DPP10: variants seen among roughly 807,000 people sequenced by gnomAD.
DPP10 encodes inactive dipeptidyl peptidase 10.
Under a neutral mutation model 120.9 loss-of-function variants are expected in DPP10, and 33 were observed. That is an observed-to-expected ratio of 0.27 (90% CI 0.21 to 0.37). The LOEUF (loss-of-function observed/expected upper bound fraction) is 0.37, where lower values mean the gene tolerates loss of function less well. Ranked by LOEUF, DPP10 falls within the 10% of genes least tolerant of loss-of-function variation. The probability of loss-of-function intolerance (pLI) is 1.00; values close to 1 mark genes in which losing one functional copy is unlikely to be tolerated. For missense variants in DPP10, 816 were observed against 942.8 expected, an observed-to-expected ratio of 0.87 and a Z score of 1.76; for synonymous variants, 337 against 326.1, an observed-to-expected ratio of 1.03 and a Z score of -0.36.
Position 115,689,680 on chromosome 2 carries a change from AT to A in DPP10, c.442-4del. 4 of 1,503,360 alleles carry A rather than the reference AT, an allele frequency of 2.7e-6. No individual in the cohort carries two copies. The highest frequency in any genetic ancestry group is 3.6e-6 in the Non-Finnish European group (4 of 1,101,330). 93.1% of individuals were successfully genotyped at this position (1,503,360 alleles called of 1,614,324 possible). A position where few individuals can be genotyped will look rare whatever the true frequency, so the allele number is the denominator to read the frequency against. On this transcript the variant is annotated splice_polypyrimidine_tract_variant and splice_region_variant and intron_variant, in intron 5 of 25. Transcript: ENST00000410059. ...TATGATCAATAATGTTTCTTTTTTA[AT>A]TTCAGATTTTTCATTATTCGTATAC...
rs1031099981 is a variant in DPP10 at position 115,485,135 on chromosome 2, C to A, written c.272-14375C>A. 4.0e-5 allele frequency among the ~76,000 whole-genome samples: 6 copies of A among 151,684 alleles called. No individual in the cohort carries two copies. In the South Asian group the frequency reaches 1.2e-3, roughly 32 times the overall value. On this transcript the variant is annotated intron_variant, in intron 3 of 25. Coordinates refer to ENST00000410059, the MANE Select transcript of DPP10 (RefSeq NM_020868.6). ...TGTTTACAGTTAGGTAAGTTACATC[C>A]TGGGCATAAGAACAAATATGATTAA...
At chr2:115,582,823 T>A (rs2082076521) in intron 5 of DPP10, among the ~76,000 whole-genome samples, 1 of 152,212 alleles carries the variant, frequency 6.6e-6, no homozygotes, top group Admixed American at 6.5e-5. Flanking sequence ...ATCTAACATC[T>A]CACAGTTAAT....
intron 1 of DPP10, among the ~76,000 whole-genome samples, chr2:114,894,485 T>C (rs905550025): frequency 3.9e-5 from 6 of 152,160 alleles, no homozygotes; most frequent in Non-Finnish European, 8.8e-5. Context: ...ATTTAAGAAT[T>C]CGCTAAACCT....
chr2:115,206,486 T>A (rs962712718), intron 1 of DPP10, among the ~76,000 whole-genome samples: 1 of 152,206 alleles, frequency 6.6e-6, no homozygotes, highest in African/African-American at 2.4e-5. Context: ...AACATTTGAT[T>A]TTGCTTAAAG....
intron 2 of DPP10, among the ~76,000 whole-genome samples, chr2:115,321,089 C>A (rs1050498000): frequency 6.6e-5 from 10 of 152,148 alleles, no homozygotes; most frequent in African/African-American, 2.4e-4. Flanking sequence ...CACCTGAGGC[C>A]AGGAGTTTGA....
intron 1 of DPP10, among the ~76,000 whole-genome samples, chr2:114,986,463 G>T (rs1700396887): frequency 6.6e-6 from 1 of 152,120 alleles, no homozygotes; most frequent in Non-Finnish European, 1.5e-5. Flanking sequence ...CTTCCCTGAG[G>T]TGTTATTCCA....
intron 19 of DPP10, among the ~76,000 whole-genome samples, chr2:115,795,683 G>T (rs909389472): frequency 1.3e-5 from 2 of 152,022 alleles, no homozygotes; most frequent in East Asian, 3.9e-4. Context: ...ATAAGTAACT[G>T]ATCATTCACA....
intron 1 of DPP10, among the ~76,000 whole-genome samples, chr2:115,071,259 CT>C (rs1707343495): frequency 6.6e-6 from 1 of 152,068 alleles, no homozygotes; most frequent in Non-Finnish European, 1.5e-5. Flanking sequence ...TTGTTCTATA[CT>C]CTTTTTTCTT....
intron 1 of DPP10, among the ~76,000 whole-genome samples, chr2:114,505,876 T>C (rs1314582619): frequency 6.6e-6 from 1 of 152,250 alleles, no homozygotes; most frequent in Non-Finnish European, 1.5e-5. Context: ...TGTGACGAGT[T>C]CATGCATGTT....
At chr2:115,350,737 A>T (rs2063971681) in intron 3 of DPP10, among the ~76,000 whole-genome samples, 1 of 152,116 alleles carries the variant, frequency 6.6e-6, no homozygotes. Context: ...ATAGATTGAG[A>T]CATAATATTT....
chr2:115,652,407 A>ATG (rs1403005012), intron 5 of DPP10, among the ~76,000 whole-genome samples: 15 of 117,018 alleles, frequency 1.3e-4, no homozygotes, highest in Admixed American at 2.5e-4. Flanking sequence ...AATAGGATAT[A>ATG]TATGTGTGTG....
At chr2:115,547,100 TG>T (rs2079548040) in intron 5 of DPP10, among the ~76,000 whole-genome samples, 2 of 152,126 alleles carry the variant, frequency 1.3e-5, no homozygotes, top group African/African-American at 4.8e-5. Context: ...TGACATGAAA[TG>T]TCACCTAGTA....
At chr2:115,831,090 C>A (rs17045130) in intron 21 of DPP10, among the ~76,000 whole-genome samples, 2 of 151,826 alleles carry the variant, frequency 1.3e-5, no homozygotes, top group African/African-American at 4.8e-5. Context: ...TTATGTTAAG[C>A]GAATTAATAG....
intron 21 of DPP10, among the ~76,000 whole-genome samples, chr2:115,817,269 T>C (rs1575875916): frequency 6.6e-6 from 1 of 151,770 alleles, no homozygotes; most frequent in Non-Finnish European, 1.5e-5. Flanking sequence ...AATAAAAAGA[T>C]GAAAGGAAAA....
intron 1 of DPP10, among the ~76,000 whole-genome samples, chr2:114,609,420 G>A (rs1693099258): frequency 6.6e-6 from 1 of 152,132 alleles, no homozygotes; most frequent in Non-Finnish European, 1.5e-5. Flanking sequence ...TAGTCTGTAG[G>A]GAAGCCTGGG....
chr2:115,164,517 C>G (rs2052684636), intron 1 of DPP10, among the ~76,000 whole-genome samples: 1 of 152,104 alleles, frequency 6.6e-6, no homozygotes, highest in Admixed American at 6.6e-5. Context: ...AAATAGGGCA[C>G]ATGTTCCAAC....
intron 1 of DPP10, among the ~76,000 whole-genome samples, chr2:114,660,843 A>G (rs1474567030): frequency 2.0e-5 from 3 of 152,170 alleles, no homozygotes; most frequent in Non-Finnish European, 4.4e-5. Flanking sequence ...TTTTATTTGT[A>G]TTTTATTATA....
At chr2:115,670,279 A>G (rs1238473595) in intron 5 of DPP10, among the ~76,000 whole-genome samples, 1 of 152,166 alleles carries the variant, frequency 6.6e-6, no homozygotes, top group Non-Finnish European at 1.5e-5. Flanking sequence ...TGGAGAGGAC[A>G]CAACATTTTG....
intron 1 of DPP10, among the ~76,000 whole-genome samples, chr2:114,540,997 T>C (rs752155033): frequency 6.6e-6 from 1 of 152,204 alleles, no homozygotes; most frequent in Non-Finnish European, 1.5e-5. Flanking sequence ...TCTTTGGTCT[T>C]TTAAATACCT....
Sources: allele counts gnomAD v4.1 joint callset (sites outside exome capture counted in the v4.1 genomes callset), GRCh38; gene constraint gnomAD v4.1.1; transcripts MANE v1.5; gene names NCBI Gene and HGNC (gene_info 2026-07-23, HGNC 2026-07-21).